SNRNP200: variants seen among roughly 807,000 people sequenced by gnomAD.
The protein encoded by SNRNP200 is U5 small nuclear ribonucleoprotein 200 kDa helicase.
A neutral mutation model predicts 255.2 loss-of-function variants in SNRNP200; 66 were observed. The ratio of observed to expected loss-of-function variants is 0.26; its 90% CI spans 0.21 to 0.32. The LOEUF (loss-of-function observed/expected upper bound fraction) is 0.32, where lower values mean the gene tolerates loss of function less well. SNRNP200 is among the 10% of genes least tolerant of loss of function. SNRNP200 has a pLI of 1.00. For synonymous variants in SNRNP200, 939 were observed against 1,027.8 expected, an observed-to-expected ratio of 0.91 and a Z score of 1.65; for missense variants, 1,585 against 2,749.8, an observed-to-expected ratio of 0.58 and a Z score of 9.47.
rs2063912076 is a variant in SNRNP200, at chr2:96,295,608, CTGG to C, written c.1719_1721del (p.His573del). 4.3e-6 allele frequency: 7 copies of C among 1,614,058 alleles called. No individual in the cohort carries two copies. The highest frequency in any genetic ancestry group is 5.9e-6 in the Non-Finnish European group (7 of 1,180,008). On this transcript the variant is annotated inframe_deletion, in exon 14 of 45. Transcript: ENST00000323853. ...TGGCACTGATCTCTTCTTTGCACAG[CTGG>C]TGGTCCCCAGTCAGTTCAGCAACAG...
At chr2:96,293,952 G>T (rs931837420) in intron 14 of SNRNP200, among the ~76,000 whole-genome samples, 15 of 152,162 alleles carry the variant, frequency 9.9e-5, no homozygotes, top group Non-Finnish European at 2.2e-4. Context: ...GCCAGGGGAT[G>T]TTGTTAAAAA....
At position 96,277,870 on chromosome 2, in the gene SNRNP200, A is replaced by T; in HGVS notation, c.5691T>A (p.Ala1897=). 2 of 1,614,210 alleles carry T rather than the reference A, an allele frequency of 1.2e-6. No individual in the cohort carries two copies. The highest frequency in any genetic ancestry group is 1.7e-6 in the Non-Finnish European group (2 of 1,180,046). The part of the protein sequence containing the change: ...PHVKTNLLLQ[A]HLSRMQLSAE... ...CACTCAGCTGCATGCGAGACAAGTG[A>T]GCCTGCAGGAGCAGGTTGGTCTTGA... Residue 1897 remains alanine, a synonymous_variant, in exon 40 of 45, where the codon GCT becomes GCA. Transcript: ENST00000323853. This position sits in a 1 kb window ranked among gnomAD's most constrained non-coding sequence, Gnocchi z 4.4.
In SNRNP200 at chr2:96,302,997, T is replaced by A. The variant is rs527529508; in HGVS notation, c.381+162A>T. Among the ~76,000 whole-genome samples the A allele has an allele frequency of 3.9e-5, 6 of 152,290 alleles. No individual in the cohort carries two copies. In the East Asian group the frequency reaches 1.2e-3, roughly 29 times the overall value. On this transcript the variant is annotated intron_variant, in intron 3 of 44. Transcript: ENST00000323853. ...CATTATGTAGGCATGATTGATTAAATGACCAGCCTCCATTCTGAACTACCT... is the reference window on the plus strand; with the variant it reads ...CATTATGTAGGCATGATTGATTAAAAGACCAGCCTCCATTCTGAACTACCT...
Position 96,283,719 on chromosome 2 carries a change from G to T in SNRNP200, c.4585-6C>A. 2 of 1,614,004 alleles carry T rather than the reference G, an allele frequency of 1.2e-6. No individual in the cohort carries two copies. The highest frequency in any genetic ancestry group is 2.2e-5 in the South Asian group (2 of 91,056). ...GTATGGCTGATGTTGAAGCCCTGGC[G>T]ACCGGGGAGAAGAAAAGACACCAAG... is the stretch of plus-strand genomic sequence containing the variant. On this transcript the variant is annotated splice_polypyrimidine_tract_variant and splice_region_variant and intron_variant, in intron 32 of 44. Coordinates refer to ENST00000323853, the MANE Select transcript of SNRNP200 (RefSeq NM_014014.5). This position sits in a 1 kb window ranked among gnomAD's most constrained non-coding sequence, Gnocchi z 4.7.
Position 96,284,375 on chromosome 2 carries a change from T to C in SNRNP200, c.4375A>G (p.Ile1459Val). 2 of 1,614,014 alleles carry C rather than the reference T, an allele frequency of 1.2e-6. No homozygotes were observed. The highest frequency in any genetic ancestry group is 8.5e-7 in the Non-Finnish European group (1 of 1,179,914). ...NLFVVDEVHL[I>V]GGENGPVLEV... The stretch of plus-strand genomic sequence containing the variant: ...CGCCATACCCCATTCTCGCCCCCGA[T>C]AAGGTGGACCTCATCCACCACGAAG... Residue 1459 changes from isoleucine (I) to valine (V), a missense_variant, in exon 31 of 45, where the codon ATC becomes GTC. Transcript: ENST00000323853.
Position 96,283,434 on chromosome 2 carries a change from A to C in SNRNP200, c.4764-82T>G. ...TGCCAGCTGTGCAGAACCTGGCCCC[A>C]AGCAACATGGGCTAACCCCACCCTC... is the stretch of plus-strand genomic sequence containing the variant. On this transcript the variant is annotated intron_variant, in intron 33 of 44. Transcript: ENST00000323853. This position sits in a 1 kb window ranked among gnomAD's most constrained non-coding sequence, Gnocchi z 4.7. The C allele has an allele frequency of 6.2e-7, 1 of 1,612,808 alleles. No individual in the cohort carries two copies. The highest frequency in any genetic ancestry group is 8.5e-7 in the Non-Finnish European group (1 of 1,179,230).
chr2:96,299,011 C>G, intron 6 of SNRNP200, 44 bp from the exon 7 acceptor site: 1 of 1,611,222 alleles, frequency 6.2e-7, no homozygotes, highest in Non-Finnish European at 8.5e-7. Flanking sequence ...TCTCTGCCAG[C>G]CTCGATCACT....
chr2:96,287,599 G>T lies in SNRNP200; in HGVS notation c.3366-42C>A. ...CAAAGCTGTTGGTCCCTTCTGCAGG[G>T]ATGTGACAAACCACCCACTTCATGG... On this transcript the variant is annotated intron_variant, in intron 25 of 44. Transcript: ENST00000323853. The surrounding 1 kb of genome is among the most constrained non-coding windows in gnomAD (Gnocchi z 5.7). 4 of 1,466,914 alleles carry T rather than the reference G, an allele frequency of 2.7e-6. No homozygotes were observed. The highest frequency in any genetic ancestry group is 3.8e-6 in the Non-Finnish European group (4 of 1,045,838). 90.9% of individuals were successfully genotyped at this position (1,466,914 alleles called of 1,614,324 possible).
In SNRNP200 at chr2:96,283,832, G is replaced by A; in HGVS notation, c.4565C>T (p.Pro1522Leu). 6.2e-7 allele frequency: 1 copy of A among 1,608,150 alleles called. No individual in the cohort carries two copies. The highest frequency in any genetic ancestry group is 2.2e-5 in the East Asian group (1 of 44,596). ...TCCTACCTGGATGTGCAGCTCCAAG[G>A]GGACGGGACGCACATTGGGATGGAA... ...FNFHPNVRPV[P>L]LELHIQGFNI... The change falls in exon 32 of 45, where the codon CCC (proline) becomes CTC (leucine). Residue 1522 changes from proline (P) to leucine (L), a missense_variant. Physicochemically the swap from Pro to Leu is moderately conservative, Grantham distance 98. Transcript: ENST00000323853. This position sits in a 1 kb window ranked among gnomAD's most constrained non-coding sequence, Gnocchi z 4.7.
At chr2:96,298,223 C>G (rs2063930844) in intron 9 of SNRNP200, 61 bp downstream of exon 9, 3 of 1,609,626 alleles carry the variant, frequency 1.9e-6, no homozygotes, top group Non-Finnish European at 2.6e-6. Context: ...TAGCTTCATG[C>G]TGCAATCTTC....
intron 35 of SNRNP200, 150 bp from the exon 36 acceptor site, chr2:96,279,709 A>G: frequency 3.0e-6 from 2 of 670,760 alleles, no homozygotes; most frequent in Non-Finnish European, 2.7e-6. Flanking sequence ...GAATCTCTGC[A>G]CTTACAACTA....
Position 96,286,255 on chromosome 2 carries a change from C to G in SNRNP200, c.4003+56G>C. 1 of 1,573,206 alleles carries G rather than the reference C, an allele frequency of 6.4e-7. No individual in the cohort carries two copies. The highest frequency in any genetic ancestry group is 1.1e-5 in the South Asian group (1 of 89,680). ...CCCCACTCCCCTGCCTGCCACAGAG[C>G]ACATCTGTCTCCCGGTGACTTCAAA... On this transcript the variant is annotated intron_variant, in intron 29 of 44. Transcript: ENST00000323853. This position sits in a 1 kb window ranked among gnomAD's most constrained non-coding sequence, Gnocchi z 4.8.
intron 21 of SNRNP200, 33 bp from the exon 22 acceptor site, chr2:96,289,412 C>T: frequency 6.2e-7 from 1 of 1,611,750 alleles, no homozygotes; most frequent in Non-Finnish European, 8.5e-7. Context: ...CCAGTGCTGA[C>T]TATTAATGAG....
At position 96,296,698 on chromosome 2, in the gene SNRNP200, G is replaced by C. The variant is rs2063919159; in HGVS notation, c.1516-7C>G. On this transcript the variant is annotated splice_polypyrimidine_tract_variant and splice_region_variant and intron_variant, in intron 12 of 44. Transcript: ENST00000323853. Reference sequence around the variant, plus strand: ...CGTTGGTCTTCCCAGCACCCTACGGGAGAGGTCAGGGATGAGAACGCCTAT... The same window carrying C: ...CGTTGGTCTTCCCAGCACCCTACGGCAGAGGTCAGGGATGAGAACGCCTAT... The C allele has an allele frequency of 2.5e-6, 4 of 1,614,054 alleles. No individual in the cohort carries two copies. The highest frequency in any genetic ancestry group is 1.3e-5 in the African/African-American group (1 of 74,926).
Position 96,287,625 on chromosome 2 carries a change from C to A in SNRNP200, c.3366-68G>T. ...ATGTGACAAACCACCCACTTCATGG[C>A]TTCCAATAGTTTAGCAGTGACTACA... On this transcript the variant is annotated intron_variant, in intron 25 of 44. Transcript: ENST00000323853. The surrounding 1 kb of genome is among the most constrained non-coding windows in gnomAD (Gnocchi z 5.7). 8.4e-7 allele frequency: 1 copy of A among 1,188,492 alleles called. No homozygotes were observed. Among genetic ancestry groups the A allele is most frequent in the Non-Finnish European group, 1.3e-6 (1 of 792,030 alleles). 73.6% of individuals were successfully genotyped at this position (1,188,492 alleles called of 1,614,324 possible). A position where few individuals can be genotyped will look rare whatever the true frequency, so the allele number is the denominator to read the frequency against.
chr2:96,296,748 A>AGGGCAGTG, intron 12 of SNRNP200, 57 bp from the exon 13 acceptor site: 1 of 1,593,388 alleles, frequency 6.3e-7, no homozygotes. Flanking sequence ...TCACTGCCCT[A>AGGGCAGTG]ACTTCCATGG....
At position 96,296,694 on chromosome 2, in the gene SNRNP200, A is replaced by G. The variant is rs752525238; in HGVS notation, c.1516-3T>C. 1.4e-5 allele frequency: 23 copies of G among 1,614,118 alleles called. No individual in the cohort carries two copies. Among genetic ancestry groups the G allele is most frequent in the Non-Finnish European group, 1.7e-5 (20 of 1,179,980 alleles). On this transcript the variant is annotated splice_polypyrimidine_tract_variant and splice_region_variant and intron_variant, in intron 12 of 44. Coordinates refer to ENST00000323853, the MANE Select transcript of SNRNP200 (RefSeq NM_014014.5). The stretch of plus-strand genomic sequence containing the variant: ...GCCACGTTGGTCTTCCCAGCACCCT[A>G]CGGGAGAGGTCAGGGATGAGAACGC...
chr2:96,304,591 A>T, intron 2 of SNRNP200, 114 bp downstream of exon 2: 1 of 1,420,364 alleles, frequency 7.0e-7, no homozygotes, highest in African/African-American at 1.4e-5. Flanking sequence ...CCTTCACTGA[A>T]TTGTTTTAAT....
chr2:96,284,146 C>T lies in SNRNP200; in HGVS notation c.4393-142G>A, dbSNP rs1053226136. The T allele has an allele frequency of 5.3e-5, 49 of 925,220 alleles. No homozygotes were observed. In the African/African-American group the frequency reaches 7.8e-4, roughly 15 times the overall value. 57.3% of individuals were successfully genotyped at this position (925,220 alleles called of 1,614,324 possible). ...AGGAGCTCTCATGTGTTTGGTTCTA[C>T]CTCCTCCACGGCAGCCAACCTCCAC... is the stretch of plus-strand genomic sequence containing the variant. On this transcript the variant is annotated intron_variant, in intron 31 of 44. Transcript: ENST00000323853.
Sources: gnomAD v4.1 joint callset for allele counts (sites outside exome capture counted in the v4.1 genomes callset) on GRCh38, gnomAD v4.1.1 for gene constraint, Gnocchi (gnomAD v3.1) non-coding constraint, MANE v1.5 for transcripts, NCBI Gene and HGNC (gene_info 2026-07-23, HGNC 2026-07-21) for gene names.